The following ZNF608 variants were observed in gnomAD, a reference collection of about 807,000 sequenced individuals.
ZNF608 encodes the protein renal carcinoma antigen NY-REN-36.
A neutral mutation model predicts 109.0 loss-of-function variants in ZNF608; 12 were observed. The ratio of observed to expected loss-of-function variants is 0.11; its 90% CI spans 0.07 to 0.18. The LOEUF (loss-of-function observed/expected upper bound fraction) is 0.18. Among genes scored for constraint, ZNF608 ranks in the 10% least tolerant of loss-of-function variants. The pLI, the probability that ZNF608 is intolerant of heterozygous loss-of-function variation, is 1.00. For synonymous variants in ZNF608, 732 were observed against 717.4 expected (o/e 1.02, Z -0.33); for missense variants, 1,707 against 1,879.3 (o/e 0.91, Z 1.70).
chr5:124,701,259 A>G lies in ZNF608; in HGVS notation c.917T>C (p.Leu306Pro). 1 of 1,614,100 alleles carries G rather than the reference A, an allele frequency of 6.2e-7. No individual in the cohort carries two copies. Among genetic ancestry groups the G allele is most frequent in the Non-Finnish European group, 8.5e-7 (1 of 1,179,974 alleles). Residue 306 changes from leucine (L) to proline (P), a missense_variant, in exon 3 of 10, where the codon CTG becomes CCG. Physicochemically the swap from Leu to Pro is moderately conservative, Grantham distance 98. Around this residue, in one of 7 missense-constraint regions of ZNF608, gnomAD observed 407 missense variants for 398.7 expected, o/e 1.02. Coordinates refer to ENST00000513986, the MANE Select transcript of ZNF608 (RefSeq NM_020747.3). ...CGGTGGTGGCGCTGGCACTGTAAAC[A>G]GGGGGTCAACCTGAAAGACAGACAG... ...KKLKTEKVDP[L>P]FTVPAPPPPI...
chr5:124,644,078 TA>T (rs146371607), intron 6 of ZNF608, among the ~76,000 whole-genome samples, 165 bp downstream of exon 6: 2 of 152,192 alleles, frequency 1.3e-5, no homozygotes, highest in South Asian at 2.1e-4. Context: ...GACATTTCAT[TA>T]AAAAAACTTA....
chr5:124,737,131 G>T (rs1749190716), intron 2 of ZNF608, among the ~76,000 whole-genome samples: 1 of 152,138 alleles, frequency 6.6e-6, no homozygotes, highest in Non-Finnish European at 1.5e-5. Flanking sequence ...CTGCTCTCTG[G>T]TTAGCATAAT....
intron 1 of ZNF608, 75 bp downstream of exon 1, chr5:124,746,120 T>A: frequency 3.8e-5 from 37 of 985,190 alleles, no homozygotes; most frequent in Non-Finnish European, 4.3e-5. Context: ...AGCCCCTTTT[T>A]AACAGTTGAT....
chr5:124,729,202 G>A (rs754874073), intron 2 of ZNF608, among the ~76,000 whole-genome samples: 6 of 152,174 alleles, frequency 3.9e-5, no homozygotes, highest in African/African-American at 1.4e-4. Context: ...AAGAAGGCTC[G>A]TCCTGACACA....
chr5:124,639,981 A>AT (rs1750164461), intron 8 of ZNF608, among the ~76,000 whole-genome samples: 1 of 152,210 alleles, frequency 6.6e-6, no homozygotes, highest in Non-Finnish European at 1.5e-5. Context: ...TTATATATAG[A>AT]TATAATGTGT....
At chr5:124,645,386 G>A (rs144233706) in intron 5 of ZNF608, among the ~76,000 whole-genome samples, 2 of 152,286 alleles carry the variant, frequency 1.3e-5, no homozygotes, top group African/African-American at 4.8e-5. Context: ...CTGTAAGTGG[G>A]GAAACTGAGA....
intron 1 of ZNF608, chr5:124,745,981 T>TA (rs1749625353): frequency 4.7e-6 from 1 of 210,594 alleles, no homozygotes; most frequent in Admixed American, 6.5e-5. Context: ...CTCTCTTAAA[T>TA]ACGGTGCTAC....
chr5:124,683,533 T>A (rs1752285114), intron 3 of ZNF608, among the ~76,000 whole-genome samples: 2 of 152,176 alleles, frequency 1.3e-5, no homozygotes. Context: ...AATATCCACA[T>A]AAACATGTGT....
intron 3 of ZNF608, among the ~76,000 whole-genome samples, chr5:124,694,380 T>C (rs1488296557): frequency 6.6e-6 from 1 of 151,974 alleles, no homozygotes; most frequent in African/African-American, 2.4e-5. Context: ...TAAAAAAATT[T>C]TTTTTCATCA....
In ZNF608 at chr5:124,648,426, C is replaced by A. The variant is rs756909835; in HGVS notation, c.1958G>T (p.Gly653Val). 4 of 1,614,156 alleles carry A rather than the reference C, an allele frequency of 2.5e-6. No individual in the cohort carries two copies. Among genetic ancestry groups the A allele is most frequent in the Non-Finnish European group, 3.4e-6 (4 of 1,180,038 alleles). The change falls in exon 5 of 10, where the codon GGT becomes GTT. Residue 653 changes from glycine (G) to valine (V), a missense_variant. Transcript: ENST00000513986. ...LMSNGPGSIIGAKAGKNSGKK... is the reference protein window; with the variant it reads ...LMSNGPGSIIVAKAGKNSGKK... ...GCCAGAATTCTTCCCAGCTTTAGCA[C>A]CAATAATGGAACCTGGGCCATTGCT...
At position 124,647,770 on chromosome 5, in the gene ZNF608, G is replaced by T. The variant is rs1362099474; in HGVS notation, c.2614C>A (p.Gln872Lys). 6.2e-7 allele frequency: 1 copy of T among 1,614,070 alleles called. No homozygotes were observed. Among genetic ancestry groups the T allele is most frequent in the Non-Finnish European group, 8.5e-7 (1 of 1,179,928 alleles). The change falls in exon 5 of 10, where the codon CAG becomes AAG. Residue 872 changes from glutamine to lysine, a missense_variant. By Grantham distance (53) the Gln-to-Lys change is moderately conservative. This residue lies in a region of ZNF608 where 1,073 missense variants were observed against 1,133.5 expected (regional missense o/e 0.95). Transcript: ENST00000513986. ...EGLANGLSES[Q>K]ESRMASIKAE... ...TTGATACTGGCCATGCGGCTCTCCT[G>T]AGACTCCGACAGTCCATTTGCCAGC... is the stretch of plus-strand genomic sequence containing the variant.
chr5:124,688,832 T>C (rs1269143071), intron 3 of ZNF608, among the ~76,000 whole-genome samples: 1 of 152,170 alleles, frequency 6.6e-6, no homozygotes, highest in African/African-American at 2.4e-5. Context: ...AAATGCTTCC[T>C]AGAAAGTGTT....
intron 2 of ZNF608, among the ~76,000 whole-genome samples, chr5:124,705,352 T>C (rs1753216946): frequency 2.6e-5 from 4 of 152,176 alleles, no homozygotes; most frequent in Admixed American, 2.0e-4. Flanking sequence ...TGTGGAACCC[T>C]GAGCAAGTTA....
At chr5:124,665,524 G>A (rs1169944549) in intron 3 of ZNF608, among the ~76,000 whole-genome samples, 1 of 152,180 alleles carries the variant, frequency 6.6e-6, no homozygotes, top group Non-Finnish European at 1.5e-5. Flanking sequence ...GTAAGTGAAG[G>A]AGCCTGTCTC....
chr5:124,718,478 T>C (rs920904358), intron 2 of ZNF608, among the ~76,000 whole-genome samples: 1 of 152,212 alleles, frequency 6.6e-6, no homozygotes, highest in African/African-American at 2.4e-5. Flanking sequence ...AGCTGGTAGA[T>C]AACACTGCTG....
Position 124,648,086 on chromosome 5 carries a change from G to C in ZNF608, c.2298C>G (p.Pro766=). Residue 766 remains proline, a synonymous_variant, in exon 5 of 10, where the codon CCC becomes CCG. Transcript: ENST00000513986. The part of the protein sequence containing the change: ...TFTTTTTGTI[P]GLPSLTTTVV... ...CAGTTGTTGTGAGGGAGGGCAGTCCGGGTATTGTCCCAGTGGTGGTCGTTG... is the reference window on the plus strand; with the variant it reads ...CAGTTGTTGTGAGGGAGGGCAGTCCCGGTATTGTCCCAGTGGTGGTCGTTG... 1 of 1,614,120 alleles carries C rather than the reference G, an allele frequency of 6.2e-7. No homozygotes were observed. Among genetic ancestry groups the C allele is most frequent in the Non-Finnish European group, 8.5e-7 (1 of 1,180,014 alleles).
intron 2 of ZNF608, among the ~76,000 whole-genome samples, chr5:124,715,960 G>A (rs1753675644): frequency 6.6e-6 from 1 of 151,814 alleles, no homozygotes; most frequent in Non-Finnish European, 1.5e-5. Flanking sequence ...TGGCTAACAC[G>A]GTGAAACCCT....
chr5:124,644,785 T>C, intron 5 of ZNF608, 124 bp from the exon 6 acceptor site: 1 of 834,922 alleles, frequency 1.2e-6, no homozygotes, highest in East Asian at 2.7e-5. Flanking sequence ...AGTTGACATT[T>C]ATTTCTGTGC....
At chr5:124,726,956 T>G (rs1748636828) in intron 2 of ZNF608, among the ~76,000 whole-genome samples, 1 of 152,228 alleles carries the variant, frequency 6.6e-6, no homozygotes, top group Admixed American at 6.5e-5. Context: ...TTGGATCCTC[T>G]CTCAATTCAG....
Sources: allele counts gnomAD v4.1 joint callset (sites outside exome capture counted in the v4.1 genomes callset), GRCh38; gene constraint gnomAD v4.1.1; regional missense constraint gnomAD v4.1.1; transcripts MANE v1.5; gene names NCBI Gene and HGNC (gene_info 2026-07-23, HGNC 2026-07-21).